The following ARHGEF10L variants were observed in gnomAD, a reference collection of about 807,000 sequenced individuals.
The protein encoded by ARHGEF10L is Rho guanine nucleotide exchange factor 10 like.
Under a neutral mutation model 141.2 loss-of-function variants are expected in ARHGEF10L, and 69 were observed. That is an observed-to-expected ratio of 0.49 (90% CI 0.40 to 0.60). The LOEUF (loss-of-function observed/expected upper bound fraction) is 0.60. ARHGEF10L is among the 20% of genes least tolerant of loss of function. The probability of loss-of-function intolerance (pLI) is 0.00; values close to 1 mark genes in which losing one functional copy is unlikely to be tolerated. For missense variants in ARHGEF10L, 1,482 were observed against 1,734.3 expected (o/e 0.85, Z 2.58); for synonymous variants, 711 against 718.5 (o/e 0.99, Z 0.17).
chr1:17,592,078 C>G (rs1481363829), intron 4 of ARHGEF10L, among the ~76,000 whole-genome samples: 2 of 152,172 alleles, frequency 1.3e-5, no homozygotes, highest in Admixed American at 6.5e-5. Context: ...GCACTCATGT[C>G]CACCCTGAGC....
Position 17,656,785 on chromosome 1 carries a change from A to G in ARHGEF10L, c.2860+77A>G, listed in dbSNP as rs2102045505. The G allele has an allele frequency of 1.3e-6, 2 of 1,504,420 alleles. No homozygotes were observed. The highest frequency in any genetic ancestry group is 2.4e-4 in the Middle Eastern group (1 of 4,088). 93.2% of individuals were successfully genotyped at this position (1,504,420 alleles called of 1,614,324 possible). On this transcript the variant is annotated intron_variant, in intron 25 of 28. Coordinates refer to ENST00000361221, the MANE Select transcript of ARHGEF10L (RefSeq NM_018125.4). This position sits in a 1 kb window ranked among gnomAD's most constrained non-coding sequence, Gnocchi z 4.9. ...GTGCCAGATTCTCTACCAAGAGAGGATACAGGAGGCTGGGCAGGAATGAAT... is the reference window on the plus strand; with the variant it reads ...GTGCCAGATTCTCTACCAAGAGAGGGTACAGGAGGCTGGGCAGGAATGAAT...
At position 17,673,105 on chromosome 1, in the gene ARHGEF10L, G is replaced by A. The variant is rs2063425053; in HGVS notation, c.3009+8510G>A. Among the ~76,000 whole-genome samples the A allele has an allele frequency of 6.6e-6, 1 of 152,296 alleles. No individual in the cohort carries two copies. The highest frequency in any genetic ancestry group is 3.4e-3 in the Middle Eastern group (1 of 294). On this transcript the variant is annotated intron_variant, in intron 26 of 28. Coordinates refer to ENST00000361221, the MANE Select transcript of ARHGEF10L (RefSeq NM_018125.4). The surrounding 1 kb of genome is among the most constrained non-coding windows in gnomAD (Gnocchi z 4.1). Reference sequence around the variant, plus strand: ...AACAGGCTTGGTGAAGCCTGACCTGGAGCAGGAGGGAACCTGGAGGAAAAA... The same window carrying A: ...AACAGGCTTGGTGAAGCCTGACCTGAAGCAGGAGGGAACCTGGAGGAAAAA...
chr1:17,541,279 A>C (rs6667945), intron 1 of ARHGEF10L, among the ~76,000 whole-genome samples: 73,993 of 151,988 alleles, frequency 0.49, 18,379 homozygotes, highest in East Asian at 0.76. Flanking sequence ...CAGGGTAGCC[A>C]CAGTGCTCTG....
intron 12 of ARHGEF10L, 56 bp from the exon 13 acceptor site, chr1:17,624,331 T>G: frequency 2.1e-6 from 3 of 1,439,388 alleles, no homozygotes; most frequent in Non-Finnish European, 2.9e-6. Context: ...CTGCCTCGTT[T>G]CCTTCTGCTC....
rs2101200736 is a variant in ARHGEF10L, at chr1:17,615,837, G to T, written c.727-257G>T. Reference sequence around the variant, plus strand: ...CCAGGTCACATCATCTCCTGGATTAGAAATCTGCTCACATAGTCTGTCCTG... The same window carrying T: ...CCAGGTCACATCATCTCCTGGATTATAAATCTGCTCACATAGTCTGTCCTG... On this transcript the variant is annotated intron_variant, in intron 8 of 28. Transcript: ENST00000361221. This position sits in a 1 kb window ranked among gnomAD's most constrained non-coding sequence, Gnocchi z 4.7. 1 of 385,382 alleles carries T rather than the reference G, an allele frequency of 2.6e-6. No individual in the cohort carries two copies. The highest frequency in any genetic ancestry group is 4.3e-5 in the East Asian group (1 of 23,444). 23.9% of individuals were successfully genotyped at this position (385,382 alleles called of 1,614,324 possible). A position where few individuals can be genotyped will look rare whatever the true frequency, so the allele number is the denominator to read the frequency against.
At chr1:17,695,306 C>T (rs756310937) in intron 28 of ARHGEF10L, 26 bp downstream of exon 28, 2 of 1,554,868 alleles carry the variant, frequency 1.3e-6, no homozygotes, top group South Asian at 1.3e-5. Context: ...CTGGTGTTGG[C>T]AGGACCAGGG....
chr1:17,575,591 G>A (rs1234311378), intron 1 of ARHGEF10L, among the ~76,000 whole-genome samples: 1 of 152,230 alleles, frequency 6.6e-6, no homozygotes. Context: ...GATGAGATCC[G>A]AGAGGTCGGT....
rs576764862 is a variant in ARHGEF10L, at chr1:17,573,251, G to A, written c.-43-7302G>A. ...TAAACACACTCTCATGCTAAGTGGC[G>A]AGGGCCCAGCAGCGAGGACGCCCAG... On this transcript the variant is annotated intron_variant, in intron 1 of 28. Coordinates refer to ENST00000361221, the MANE Select transcript of ARHGEF10L (RefSeq NM_018125.4). The surrounding 1 kb of genome is among the most constrained non-coding windows in gnomAD (Gnocchi z 4.8). 1.3e-5 allele frequency among the ~76,000 whole-genome samples: 2 copies of A among 152,288 alleles called. No homozygotes were observed. The highest frequency in any genetic ancestry group is 3.9e-4 in the East Asian group (2 of 5,162).
At chr1:17,600,795 A>T (rs2080577269) in intron 4 of ARHGEF10L, among the ~76,000 whole-genome samples, 1 of 152,064 alleles carries the variant, frequency 6.6e-6, no homozygotes, top group Admixed American at 6.6e-5. Flanking sequence ...CACTCCTGTA[A>T]TCCCAGCACT....
the ARHGEF10L span, among the ~76,000 whole-genome samples, chr1:17,532,318 A>G: frequency 1.3e-5 from 2 of 152,108 alleles, no homozygotes; most frequent in African/African-American, 4.8e-5. Flanking sequence ...ATCTGATGCC[A>G]GGAAGCAAAG....
rs771672802 is a variant in ARHGEF10L, at chr1:17,635,023, A to G, written c.1927+7A>G. ...GCCTCAGGGCAGGCTCAGAGTGAGT[A>G]CCCCCTCTCTGTGCCCTGCGTTCGT... On this transcript the variant is annotated splice_region_variant and intron_variant, in intron 18 of 28. Coordinates refer to ENST00000361221, the MANE Select transcript of ARHGEF10L (RefSeq NM_018125.4). 9 of 1,613,430 alleles carry G rather than the reference A, an allele frequency of 5.6e-6. 1 individual carries two copies. In the South Asian group the frequency reaches 9.9e-5, roughly 18 times the overall value.
At chr1:17,613,195 C>T (rs770410712) in intron 8 of ARHGEF10L, 21 bp downstream of exon 8, 1 of 1,588,464 alleles carries the variant, frequency 6.3e-7, no homozygotes, top group South Asian at 1.1e-5. Flanking sequence ...TCTGTCCCCT[C>T]AAGCCCTGGA....
chr1:17,521,435 A>G, the ARHGEF10L span, among the ~76,000 whole-genome samples: 1 of 152,318 alleles, frequency 6.6e-6, no homozygotes, highest in East Asian at 1.9e-4. Flanking sequence ...ACCTCAGTTG[A>G]TCTGCCCGCC....
intron 1 of ARHGEF10L, among the ~76,000 whole-genome samples, chr1:17,566,865 G>T (rs921221085): frequency 1.3e-5 from 2 of 152,174 alleles, no homozygotes; most frequent in Non-Finnish European, 2.9e-5. Flanking sequence ...AGCAAGGGGG[G>T]GTTGTTGGAT....
chr1:17,665,635 G>A (rs1024864779), intron 26 of ARHGEF10L, among the ~76,000 whole-genome samples: 1 of 152,226 alleles, frequency 6.6e-6, no homozygotes, highest in African/African-American at 2.4e-5. Flanking sequence ...TCCCGTGGGA[G>A]CACGAGGCTT....
chr1:17,616,257 G>T, intron 9 of ARHGEF10L, 55 bp downstream of exon 9: 1 of 1,343,536 alleles, frequency 7.4e-7, no homozygotes, highest in Non-Finnish European at 1.1e-6. Flanking sequence ...TGGGGGTCGG[G>T]GAGGGTGGGA....
intron 1 of ARHGEF10L, among the ~76,000 whole-genome samples, chr1:17,561,251 C>T (rs1198404879): frequency 1.3e-5 from 2 of 152,204 alleles, no homozygotes; most frequent in African/African-American, 4.8e-5. Context: ...TTGAGGGCTG[C>T]TTCCCCTGCC....
intron 1 of ARHGEF10L, among the ~76,000 whole-genome samples, chr1:17,554,792 C>T (rs1465527801): frequency 5.3e-5 from 8 of 151,890 alleles, no homozygotes; most frequent in South Asian, 2.1e-4. Context: ...GGTTTTGCCA[C>T]GTTGCCCAGG....
chr1:17,661,093 A>G (rs1265508612), intron 25 of ARHGEF10L, among the ~76,000 whole-genome samples: 1 of 151,940 alleles, frequency 6.6e-6, no homozygotes, highest in African/African-American at 2.4e-5. Flanking sequence ...GTCCCTTATG[A>G]GCTTTTTTCT....
Sources: allele counts gnomAD v4.1 joint callset (sites outside exome capture counted in the v4.1 genomes callset), GRCh38; gene constraint gnomAD v4.1.1; non-coding constraint Gnocchi (gnomAD v3.1); transcripts MANE v1.5; gene names NCBI Gene and HGNC (gene_info 2026-07-23, HGNC 2026-07-21).